The following CLPX variants were observed in gnomAD, a reference collection of about 807,000 sequenced individuals.
CLPX encodes the protein ATP-dependent clpX-like chaperone, mitochondrial.
In CLPX, 34 loss-of-function variants were observed where a neutral mutation model predicts 76.4. That is an observed-to-expected ratio of 0.45 (90% CI 0.34 to 0.59). The LOEUF is 0.59. CLPX is among the 20% of genes least tolerant of loss of function. CLPX has a pLI of 0.01. For synonymous variants in CLPX, 248 were observed against 270.9 expected (o/e 0.92, Z 0.83); for missense variants, 613 against 757.0 (o/e 0.81, Z 2.23).
chr15:65,164,708 ATTAACT>A lies in CLPX; in HGVS notation c.514-526_514-521del, dbSNP rs1339242346. Among the ~76,000 whole-genome samples, 4 of 152,122 alleles carry A rather than the reference ATTAACT, an allele frequency of 2.6e-5. No homozygotes were observed. The East Asian group carries it at 5.8e-4, about 22-fold the overall frequency. ...TAGTAAATTTAATTTTTTCTCAGAC[ATTAACT>A]TTAAAGCTACTCATTTATCTGAGAC... On this transcript the variant is annotated intron_variant, in intron 4 of 13. Transcript: ENST00000300107.
At chr15:65,172,303 T>G (rs1287865037) in intron 3 of CLPX, among the ~76,000 whole-genome samples, 2 of 152,184 alleles carry the variant, frequency 1.3e-5, no homozygotes, top group African/African-American at 4.8e-5. Flanking sequence ...AAAATCTAAT[T>G]TTGTTAAGTT....
chr15:65,158,642 C>T lies in CLPX; in HGVS notation c.825G>A (p.Leu275=). The T allele has an allele frequency of 6.2e-7, 1 of 1,613,722 alleles. No homozygotes were observed. Among genetic ancestry groups the T allele is most frequent in the Non-Finnish European group, 8.5e-7 (1 of 1,179,830 alleles). ...GTTTTATGTCATCATGAGAAGAATCCAATACTTCACCTCCTCGTTTTTCCT... is the reference window on the plus strand; with the variant it reads ...GTTTTATGTCATCATGAGAAGAATCTAATACTTCACCTCCTCGTTTTTCCT... The part of the protein sequence containing the change: ...IPQEKRGGEV[L]DSSHDDIKLE... Residue 275 remains leucine (L), a synonymous_variant, in exon 7 of 14, where the codon TTG becomes TTA. Transcript: ENST00000300107.
intron 3 of CLPX, among the ~76,000 whole-genome samples, chr15:65,169,348 A>AC (rs933677096): frequency 1.4e-4 from 21 of 151,896 alleles, no homozygotes; most frequent in African/African-American, 4.8e-4. Flanking sequence ...TAACCCTCCC[A>AC]CCTTGGCCTC....
chr15:65,167,069 A>T (rs1485967004), intron 3 of CLPX, among the ~76,000 whole-genome samples: 2 of 152,134 alleles, frequency 1.3e-5, no homozygotes, highest in Non-Finnish European at 2.9e-5. Flanking sequence ...TTCACTAAAA[A>T]AGATTTTTTT....
At position 65,185,026 on chromosome 15, in the gene CLPX, A is replaced by AC. The variant is rs573023416; in HGVS notation, c.79+48dup. The AC allele has an allele frequency of 6.9e-3, 8,238 of 1,191,726 alleles. 18 individuals are homozygous for AC. The highest frequency in any genetic ancestry group is 0.034 in the African/African-American group (1,934 of 57,366). 73.8% of individuals were successfully genotyped at this position (1,191,726 alleles called of 1,614,324 possible). On this transcript the variant is annotated intron_variant, in intron 1 of 13. Coordinates refer to ENST00000300107, the MANE Select transcript of CLPX (RefSeq NM_006660.5). ...GGGGCCCCCAACCATTGGCCAGTCC[A>AC]CCCCCCCCCCGACAGGCTGAGGGCT...
At chr15:65,151,882 C>T (rs1203902242) in intron 13 of CLPX, among the ~76,000 whole-genome samples, 1 of 152,060 alleles carries the variant, frequency 6.6e-6, no homozygotes, top group Non-Finnish European at 1.5e-5. Flanking sequence ...TTGAATAAAT[C>T]AGGGGTTAGG....
intron 1 of CLPX, among the ~76,000 whole-genome samples, chr15:65,182,638 T>C (rs1595949386): frequency 6.6e-6 from 1 of 152,238 alleles, no homozygotes; most frequent in African/African-American, 2.4e-5. Context: ...GTGTTTCAGT[T>C]AGAGCTTAGT....
intron 4 of CLPX, among the ~76,000 whole-genome samples, chr15:65,165,686 G>A (rs934900864): frequency 4.0e-5 from 6 of 151,158 alleles, no homozygotes; most frequent in Admixed American, 2.0e-4. Context: ...CACCGCACCC[G>A]GCCAAACTGC....
At position 65,180,147 on chromosome 15, in the gene CLPX, G is replaced by A. The variant is rs146367761; in HGVS notation, c.137C>T (p.Thr46Ile). The change falls in exon 2 of 14, where the codon ACT (threonine) becomes ATT (isoleucine). Residue 46 changes from threonine (T) to isoleucine (I), a missense_variant. This residue lies in a region of CLPX where 163 missense variants were observed against 118.4 expected (regional missense o/e 1.38). Coordinates refer to ENST00000300107, the MANE Select transcript of CLPX (RefSeq NM_006660.5). The stretch of plus-strand genomic sequence containing the variant: ...AAGAGGAGCTCTTTGCAGAATCTGA[G>A]TTTCAAATGTCCCAAGCCTTCCTAA... ...SVLGRLGTFE[T>I]QILQRAPLRS... The A allele has an allele frequency of 1.8e-4, 292 of 1,612,484 alleles. 2 individuals are homozygous for A. In the African/African-American group the frequency reaches 3.4e-3, roughly 19 times the overall value.
chr15:65,181,453 C>T (rs1431668974), intron 1 of CLPX, among the ~76,000 whole-genome samples: 2 of 151,952 alleles, frequency 1.3e-5, no homozygotes, highest in South Asian at 2.1e-4. Flanking sequence ...TATCTTACCA[C>T]AATAAAAAAA....
intron 3 of CLPX, among the ~76,000 whole-genome samples, chr15:65,170,822 CTTTTTT>C (rs749248279): frequency 8.4e-6 from 1 of 118,576 alleles, no homozygotes. Flanking sequence ...TTCTGTTCTT[CTTTTTT>C]TTTTTTTTTT....
At chr15:65,160,623 T>TCTCACACACACACACA (rs1219208926) in intron 6 of CLPX, among the ~76,000 whole-genome samples, 7 of 100,968 alleles carry the variant, frequency 6.9e-5, no homozygotes, top group African/African-American at 2.6e-4. Flanking sequence ...TCTCTCTCTC[T>TCTCACACACACACACA]CACACACACA....
intron 7 of CLPX, 43 bp from the exon 8 acceptor site, chr15:65,157,953 T>C: frequency 1.3e-6 from 2 of 1,495,944 alleles, no homozygotes; most frequent in Non-Finnish European, 9.0e-7. Context: ...GAAAATATAT[T>C]GGCACACAAT....
intron 3 of CLPX, among the ~76,000 whole-genome samples, chr15:65,171,911 A>T (rs2088012334): frequency 6.6e-6 from 1 of 152,252 alleles, no homozygotes; most frequent in Non-Finnish European, 1.5e-5. Flanking sequence ...TATTTTCAAC[A>T]TATCCCTAAA....
intron 3 of CLPX, among the ~76,000 whole-genome samples, chr15:65,171,060 A>C (rs1782051780): frequency 6.6e-6 from 1 of 151,756 alleles, no homozygotes; most frequent in Non-Finnish European, 1.5e-5. Context: ...TGACCTCATG[A>C]AACACCCACC....
Position 65,152,504 on chromosome 15 carries a change from G to T in CLPX, c.1737C>A (p.Val579=). ...EKLLLEPMFE[V]PNSDIVCVEV... Reference sequence around the variant, plus strand: ...CCACACATACGATATCAGAATTAGGGACTTCAAACATTGGTTCTAGTAACA... The same window carrying T: ...CCACACATACGATATCAGAATTAGGTACTTCAAACATTGGTTCTAGTAACA... Residue 579 remains valine (V), a synonymous_variant, in exon 13 of 14, where the codon GTC becomes GTA. Coordinates refer to ENST00000300107, the MANE Select transcript of CLPX (RefSeq NM_006660.5). 1 of 1,540,976 alleles carries T rather than the reference G, an allele frequency of 6.5e-7. No homozygotes were observed. Among genetic ancestry groups the T allele is most frequent in the South Asian group, 1.3e-5 (1 of 78,130 alleles).
At chr15:65,175,054 G>A (rs906165657) in intron 3 of CLPX, among the ~76,000 whole-genome samples, 2 of 152,122 alleles carry the variant, frequency 1.3e-5, no homozygotes, top group Admixed American at 1.3e-4. Flanking sequence ...ATCTACATAT[G>A]CATTCTTCAA....
chr15:65,185,064 T>C lies in CLPX; in HGVS notation c.79+11A>G. 6.6e-7 allele frequency: 1 copy of C among 1,510,614 alleles called. No homozygotes were observed. Among genetic ancestry groups the C allele is most frequent in the Non-Finnish European group, 8.9e-7 (1 of 1,123,520 alleles). The allele number at this position is 1,510,614 out of a possible 1,614,324, so 93.6% of individuals were successfully genotyped here. ...CAGGCTGAGGGCTCAGGAGTGGCAC[T>C]ATTTCGTTACCTCTCTGCGCGGAGG... On this transcript the variant is annotated intron_variant, in intron 1 of 13. Coordinates refer to ENST00000300107, the MANE Select transcript of CLPX (RefSeq NM_006660.5).
chr15:65,167,836 T>C (rs2087938142), intron 3 of CLPX, among the ~76,000 whole-genome samples: 1 of 151,680 alleles, frequency 6.6e-6, no homozygotes, highest in Non-Finnish European at 1.5e-5. Context: ...TGCAGTGAGC[T>C]GAGATTGCGC....
Sources: allele counts gnomAD v4.1 joint callset (sites outside exome capture counted in the v4.1 genomes callset), GRCh38; gene constraint gnomAD v4.1.1; regional missense constraint gnomAD v4.1.1; transcripts MANE v1.5; gene names NCBI Gene and HGNC (gene_info 2026-07-23, HGNC 2026-07-21).